SF3B3: variants seen among roughly 807,000 people sequenced by gnomAD.
The protein encoded by SF3B3 is SAP 130.
Under a neutral mutation model 139.2 loss-of-function variants are expected in SF3B3, and 33 were observed. The observed-to-expected ratio is 0.24, with a 90% confidence interval of 0.18 to 0.32. The LOEUF is 0.32. SF3B3 is among the 10% of genes least tolerant of loss of function. The pLI, the probability that SF3B3 is intolerant of heterozygous loss-of-function variation, is 1.00. For synonymous variants in SF3B3, 596 were observed against 563.6 expected, an observed-to-expected ratio of 1.06 and a Z score of -0.81; for missense variants, 818 against 1,509.4, an observed-to-expected ratio of 0.54 and a Z score of 7.59.
intron 4 of SF3B3, among the ~76,000 whole-genome samples, 158 bp downstream of exon 4, chr16:70,531,075 G>T (rs2050116765): frequency 6.6e-6 from 1 of 151,926 alleles, no homozygotes; most frequent in African/African-American, 2.4e-5. Context: ...GACCATTCTG[G>T]CTAACACAGT....
At chr16:70,566,813 C>CT (rs2050481418) in intron 20 of SF3B3, among the ~76,000 whole-genome samples, 1 of 152,252 alleles carries the variant, frequency 6.6e-6, no homozygotes, top group Non-Finnish European at 1.5e-5. Context: ...TTTTGGGAGT[C>CT]TGAGTCGAGC....
Position 70,530,770 on chromosome 16 carries a change from G to T in SF3B3, c.423G>T (p.Val141=). ...MISAIEKQKL[V]YILNRDAAAR... ...GTGCCATTGAGAAACAGAAATTGGT[G>T]TATATTTTGAACAGAGATGCTGCAG... The change falls in exon 4 of 26, where the codon GTG becomes GTT. Residue 141 remains valine, a synonymous_variant. Transcript: ENST00000302516. 6.2e-7 allele frequency: 1 copy of T among 1,612,368 alleles called. No individual in the cohort carries two copies. The highest frequency in any genetic ancestry group is 8.5e-7 in the Non-Finnish European group (1 of 1,179,554).
chr16:70,565,360 G>A lies in SF3B3; in HGVS notation c.2670-8G>A. On this transcript the variant is annotated splice_region_variant and splice_polypyrimidine_tract_variant and intron_variant, in intron 19 of 25. Transcript: ENST00000302516. ...AGGCCTTACTCTTGCTTCTTATTCT[G>A]TGTGTAGTGTGGCTGTGTGCAGGTT... The A allele has an allele frequency of 6.2e-7, 1 of 1,614,160 alleles. No homozygotes were observed.
At position 70,561,802 on chromosome 16, in the gene SF3B3, T is replaced by A. The variant is rs201791489; in HGVS notation, c.2288+18T>A. The A allele has an allele frequency of 3.1e-6, 5 of 1,610,224 alleles. No homozygotes were observed. In the East Asian group the frequency reaches 1.1e-4, roughly 36 times the overall value. ...ACCCTACGGTGAGTGAGTCTCATGTTTGAAGCTCAGCAGGAAGCCTTTCTG... is the reference window on the plus strand; with the variant it reads ...ACCCTACGGTGAGTGAGTCTCATGTATGAAGCTCAGCAGGAAGCCTTTCTG... On this transcript the variant is annotated intron_variant, in intron 17 of 25. Coordinates refer to ENST00000302516, the MANE Select transcript of SF3B3 (RefSeq NM_012426.5).
chr16:70,576,329 ATC>A lies in SF3B3; in HGVS notation c.*4520_*4521del, dbSNP rs1183354310. 5.2e-5 allele frequency: 6 copies of A among 116,134 alleles called. No homozygotes were observed. The East Asian group carries it at 1.2e-3, about 23-fold the overall frequency. The allele number at this position is 116,134 out of a possible 1,614,324, so 7.2% of individuals were successfully genotyped here. On this transcript the variant is annotated 3_prime_UTR_variant, in exon 26 of 26. Coordinates refer to ENST00000302516, the MANE Select transcript of SF3B3 (RefSeq NM_012426.5). ...ACCCCACCCCACCCCCGTATGCAGC[ATC>A]TCTGGCGGTGCCCAGAGGCAAGCCC...
intron 8 of SF3B3, 115 bp from the exon 9 acceptor site, chr16:70,541,554 T>C: frequency 3.6e-6 from 3 of 826,668 alleles, no homozygotes; most frequent in Admixed American, 4.8e-5. Context: ...CACCTAAAAA[T>C]AATAACAATA....
intron 5 of SF3B3, among the ~76,000 whole-genome samples, chr16:70,533,478 C>T (rs929706517): frequency 6.6e-6 from 1 of 152,004 alleles, no homozygotes; most frequent in Non-Finnish European, 1.5e-5. Context: ...CTAGTTCATA[C>T]GGTTGTAGAT....
At chr16:70,569,006 G>C (rs751632370) in intron 22 of SF3B3, 37 bp from the exon 23 acceptor site, 4 of 1,492,796 alleles carry the variant, frequency 2.7e-6, no homozygotes, top group Non-Finnish European at 3.7e-6. Context: ...GAGCAGGTCC[G>C]GGCCCCAGCA....
In SF3B3 at chr16:70,554,561, G is replaced by A; in HGVS notation, c.1518G>A (p.Leu506=). The A allele has an allele frequency of 3.1e-6, 5 of 1,614,182 alleles. No homozygotes were observed. The highest frequency in any genetic ancestry group is 4.2e-6 in the Non-Finnish European group (5 of 1,180,024). The part of the protein sequence containing the change: ...DSGFLGTTPT[L]SCSLLGDDAL... ...GGTTCCTGGGGACCACCCCGACCTT[G>A]TCCTGCTCCTTATTAGGAGATGATG... Residue 506 remains leucine (L), a synonymous_variant, in exon 12 of 26, where the codon TTG becomes TTA. Transcript: ENST00000302516.
At position 70,572,019 on chromosome 16, in the gene SF3B3, C is replaced by T. The variant is rs147938761; in HGVS notation, c.*206C>T. ...TGGCACTGAGATTTGCTACACTTCT[C>T]CCCACCTGGTACATGATACATGACC... On this transcript the variant is annotated 3_prime_UTR_variant, in exon 26 of 26. Coordinates refer to ENST00000302516, the MANE Select transcript of SF3B3 (RefSeq NM_012426.5). 21 of 688,920 alleles carry T rather than the reference C, an allele frequency of 3.0e-5. No individual in the cohort carries two copies. The highest frequency in any genetic ancestry group is 2.3e-4 in the South Asian group (15 of 64,038). The allele number at this position is 688,920 out of a possible 1,614,324, so 42.7% of individuals were successfully genotyped here. A position where few individuals can be genotyped will look rare whatever the true frequency, so the allele number is the denominator to read the frequency against.
At chr16:70,554,391 G>A (rs1597718413) in intron 11 of SF3B3, 55 bp from the exon 12 acceptor site, 2 of 1,550,116 alleles carry the variant, frequency 1.3e-6, no homozygotes, top group Middle Eastern at 1.7e-4. Context: ...GTTTCATTTG[G>A]CTTTGTAATT....
chr16:70,524,105 C>T, intron 1 of SF3B3, 177 bp downstream of exon 1: 1 of 384,322 alleles, frequency 2.6e-6, no homozygotes, highest in Non-Finnish European at 4.6e-6. Flanking sequence ...AGTTATCTCT[C>T]GCTTCCATCC....
At chr16:70,561,930 C>A in intron 17 of SF3B3, 146 bp downstream of exon 17, 5 of 670,634 alleles carry the variant, frequency 7.5e-6, no homozygotes, top group Non-Finnish European at 1.3e-5. Context: ...TTGAAACCTT[C>A]ATTTGGCTCA....
chr16:70,543,669 C>T lies in SF3B3; in HGVS notation c.1234-769C>T, dbSNP rs527809558. 2.0e-5 allele frequency among the ~76,000 whole-genome samples: 3 copies of T among 152,098 alleles called. No individual in the cohort carries two copies. In the South Asian group the frequency reaches 6.2e-4, roughly 32 times the overall value. On this transcript the variant is annotated intron_variant, in intron 9 of 25. Coordinates refer to ENST00000302516, the MANE Select transcript of SF3B3 (RefSeq NM_012426.5). ...GTTGCAGTGAGCTTACACAGTGCCA[C>T]TGTACTCTAACCTCGGTGACAGAGT...
chr16:70,563,725 T>A, intron 17 of SF3B3, 151 bp from the exon 18 acceptor site: 1 of 669,742 alleles, frequency 1.5e-6, no homozygotes, highest in Non-Finnish European at 2.5e-6. Context: ...TCGCAGAGTT[T>A]TCTAGAGTAG....
At chr16:70,553,875 C>T (rs965582385) in intron 11 of SF3B3, among the ~76,000 whole-genome samples, 5 of 152,126 alleles carry the variant, frequency 3.3e-5, no homozygotes, top group African/African-American at 9.7e-5. Flanking sequence ...ATAAACAACC[C>T]CCACCCTCCA....
intron 8 of SF3B3, 131 bp downstream of exon 8, chr16:70,539,338 AG>A: frequency 4.4e-6 from 3 of 676,906 alleles, no homozygotes. Context: ...ACCTGAGGTA[AG>A]GAGTTGGAGA....
chr16:70,567,567 AGC>A (rs774051533), intron 21 of SF3B3, 31 bp downstream of exon 21: 1 of 1,603,920 alleles, frequency 6.2e-7, no homozygotes, highest in Admixed American at 1.7e-5. Context: ...GCTGAGATCT[AGC>A]TCATGTGTCA....
chr16:70,541,587 CT>C, intron 8 of SF3B3, 81 bp from the exon 9 acceptor site: 1 of 1,099,992 alleles, frequency 9.1e-7, no homozygotes, highest in Non-Finnish European at 1.3e-6. Flanking sequence ...AATCAAATAG[CT>C]TGTGCTTTAT....
Sources: allele counts gnomAD v4.1 joint callset (sites outside exome capture counted in the v4.1 genomes callset), GRCh38; gene constraint gnomAD v4.1.1; transcripts MANE v1.5; gene names NCBI Gene and HGNC (gene_info 2026-07-23, HGNC 2026-07-21).